CYP4X1: variants seen among roughly 807,000 people sequenced by gnomAD.
The protein encoded by CYP4X1 is cytochrome P450 4X1.
CYP4X1 carries 44 observed loss-of-function variants against 57.9 expected under a neutral mutation model. The observed-to-expected ratio is 0.76, with a 90% CI of 0.60 to 0.98. CYP4X1 has a LOEUF of 0.98. CYP4X1 is among the 50% of genes least tolerant of loss of function. The pLI, the probability that CYP4X1 is intolerant of heterozygous loss-of-function variation, is 0.00. For missense variants in CYP4X1, 532 were observed against 623.9 expected, an observed-to-expected ratio of 0.85 and a Z score of 1.57; for synonymous variants, 227 against 228.6, an observed-to-expected ratio of 0.99 and a Z score of 0.06.
the CYP4X1 span, among the ~76,000 whole-genome samples, chr1:47,012,950 T>C: frequency 1.8e-4 from 27 of 152,218 alleles, no homozygotes; most frequent in Non-Finnish European, 8.8e-5. Context: ...TCTATACATT[T>C]AAACATTTTT....
chr1:46,988,316 C>G, the CYP4X1 span, among the ~76,000 whole-genome samples: 1 of 151,996 alleles, frequency 6.6e-6, no homozygotes, highest in Non-Finnish European at 1.5e-5. Context: ...GACACATACC[C>G]CCTCCCAAGT....
At chr1:46,984,948 G>T in the CYP4X1 span, among the ~76,000 whole-genome samples, 3 of 142,790 alleles carry the variant, frequency 2.1e-5, no homozygotes, top group Admixed American at 1.4e-4. Flanking sequence ...AGCAAGCTGA[G>T]ATCCACTGAC....
upstream of CYP4X1, among the ~76,000 whole-genome samples, chr1:47,021,384 G>T (rs771030972): frequency 6.6e-6 from 1 of 152,146 alleles, no homozygotes; most frequent in Non-Finnish European, 1.5e-5. Flanking sequence ...ACATGAAATG[G>T]AGGTTGTGGG....
At chr1:46,975,509 G>A in the CYP4X1 span, among the ~76,000 whole-genome samples, 3 of 152,110 alleles carry the variant, frequency 2.0e-5, no homozygotes, top group Non-Finnish European at 4.4e-5. Flanking sequence ...CCTCTGGTTT[G>A]TAGATTTTCT....
the CYP4X1 span, among the ~76,000 whole-genome samples, chr1:46,963,898 G>A: frequency 2.0e-4 from 30 of 152,192 alleles, no homozygotes; most frequent in Non-Finnish European, 3.8e-4. Flanking sequence ...ACATAGATTT[G>A]GTCTCTTCAC....
the CYP4X1 span, among the ~76,000 whole-genome samples, chr1:47,014,295 C>T: frequency 6.6e-6 from 1 of 152,152 alleles, no homozygotes; most frequent in Non-Finnish European, 1.5e-5. Flanking sequence ...CTGCCCCAAC[C>T]TTTTCTTCCT....
In CYP4X1 at chr1:47,026,909, G is replaced by T. The variant is rs553131766; in HGVS notation, c.177+2915G>T. On this transcript the variant is annotated intron_variant, in intron 1 of 11. Transcript: ENST00000371901. ...TTTTTGTATTTTCAGTAGAGACGGG[G>T]TTTCACCATATTGGCCAGGCTAGTC... 4.5e-3 allele frequency among the ~76,000 whole-genome samples: 686 copies of T among 152,036 alleles called. 1 individual carries two copies. Among genetic ancestry groups the T allele is most frequent in the Non-Finnish European group, 7.1e-3 (480 of 67,982 alleles).
At chr1:46,961,860 C>A in the CYP4X1 span, 1 of 1,049,682 alleles carries the variant, frequency 9.5e-7, no homozygotes, top group Non-Finnish European at 1.3e-6. Context: ...AACAGACAAC[C>A]TGGCCTCTTT....
the CYP4X1 span, among the ~76,000 whole-genome samples, chr1:46,981,938 C>T: frequency 6.6e-6 from 1 of 152,226 alleles, no homozygotes; most frequent in Non-Finnish European, 1.5e-5. Context: ...ACTATGAGAA[C>T]ACTTGGACAC....
At chr1:46,969,008 C>T in the CYP4X1 span, among the ~76,000 whole-genome samples, 1 of 152,210 alleles carries the variant, frequency 6.6e-6, no homozygotes, top group African/African-American at 2.4e-5. Flanking sequence ...TGTTGGTCCC[C>T]TCCAAATCTC....
At chr1:47,001,614 C>T in the CYP4X1 span, among the ~76,000 whole-genome samples, 3 of 152,186 alleles carry the variant, frequency 2.0e-5, no homozygotes, top group Admixed American at 1.3e-4. Context: ...AGGGTCTAAG[C>T]TCCTGCCTTG....
At chr1:47,051,445 A>G (rs1415158621), downstream of CYP4X1, among the ~76,000 whole-genome samples, 1 of 151,928 alleles carries the variant, frequency 6.6e-6, no homozygotes, top group African/African-American at 2.4e-5. Flanking sequence ...ATCTTCCATA[A>G]TCTCTCTCAG....
chr1:47,040,787 T>C (rs748789401), intron 8 of CYP4X1, among the ~76,000 whole-genome samples: 10 of 152,150 alleles, frequency 6.6e-5, no homozygotes, highest in South Asian at 2.1e-4. Context: ...CTCATACTTA[T>C]CATTTTTTTG....
At chr1:47,003,739 A>G in the CYP4X1 span, among the ~76,000 whole-genome samples, 1 of 152,258 alleles carries the variant, frequency 6.6e-6, no homozygotes, top group Admixed American at 6.5e-5. Flanking sequence ...CCAAGCCGTG[A>G]AGGATCTGCC....
upstream of CYP4X1, among the ~76,000 whole-genome samples, chr1:47,021,179 G>A (rs951556819): frequency 3.8e-5 from 5 of 130,298 alleles, no homozygotes; most frequent in East Asian, 3.2e-4. Context: ...GGAAGGAGGC[G>A]CTGCTCTGTT....
chr1:47,052,124 G>T (rs541326911), downstream of CYP4X1, among the ~76,000 whole-genome samples: 2 of 151,878 alleles, frequency 1.3e-5, no homozygotes, highest in East Asian at 1.9e-4. Context: ...TATTTGTCAG[G>T]TTGCCAGGTG....
rs187832302 is a variant in CYP4X1, at chr1:47,024,770, G to C, written c.177+776G>C. Among the ~76,000 whole-genome samples the C allele has an allele frequency of 2.4e-3, 367 of 152,228 alleles. 3 individuals carry two copies. Among genetic ancestry groups the C allele is most frequent in the African/African-American group, 8.4e-3 (350 of 41,542 alleles). On this transcript the variant is annotated intron_variant, in intron 1 of 11. Transcript: ENST00000371901. ...CTGTCGGAGGAAAGTATACATCTCC[G>C]CCTAGAGAAGGAAGGAAAGTCTGTG...
chr1:47,011,973 A>G, the CYP4X1 span, among the ~76,000 whole-genome samples: 6 of 152,234 alleles, frequency 3.9e-5, no homozygotes, highest in African/African-American at 1.4e-4. Flanking sequence ...ACTGTAAACT[A>G]GTTCAATCAT....
downstream of CYP4X1, among the ~76,000 whole-genome samples, chr1:47,051,676 C>G (rs1242380555): frequency 1.3e-5 from 2 of 151,774 alleles, no homozygotes; most frequent in Non-Finnish European, 2.9e-5. Context: ...ATTCCAGATC[C>G]TTGGAGACAA....
Sources: gnomAD v4.1 joint callset for allele counts (sites outside exome capture counted in the v4.1 genomes callset) on GRCh38, gnomAD v4.1.1 for gene constraint, MANE v1.5 for transcripts, NCBI Gene and HGNC (gene_info 2026-07-23, HGNC 2026-07-21) for gene names.